Variants in NEGR1 observed in about 807,000 individuals in gnomAD.
NEGR1 encodes the protein neuronal growth regulator 1.
NEGR1 carries 10 observed loss-of-function variants against 40.9 expected under a neutral mutation model. The observed-to-expected ratio is 0.24, with a 90% CI of 0.15 to 0.42. NEGR1 has a LOEUF of 0.42. Among genes scored for constraint, NEGR1 ranks in the 10% least tolerant of loss-of-function variants. NEGR1 has a pLI of 1.00. For synonymous variants in NEGR1, 185 were observed against 166.8 expected (o/e 1.11, Z -0.84); for missense variants, 352 against 438.9 (o/e 0.80, Z 1.77).
At chr1:71,874,752 T>C (rs897336673) in intron 2 of NEGR1, among the ~76,000 whole-genome samples, 1 of 152,192 alleles carries the variant, frequency 6.6e-6, no homozygotes, top group Admixed American at 6.5e-5. Flanking sequence ...TAAGACTTGA[T>C]TTTCACTTAG....
chr1:71,982,688 T>C (rs1646364075), intron 1 of NEGR1, among the ~76,000 whole-genome samples: 1 of 152,100 alleles, frequency 6.6e-6, no homozygotes, highest in Non-Finnish European at 1.5e-5. Context: ...AAAACTCCAA[T>C]TGGATTCAGA....
chr1:71,943,471 A>G (rs1024001021), intron 1 of NEGR1, among the ~76,000 whole-genome samples: 4 of 151,964 alleles, frequency 2.6e-5, no homozygotes, highest in Non-Finnish European at 4.4e-5. Context: ...TTTTTCTGCA[A>G]TACCACAAAT....
At chr1:71,437,980 G>T (rs1215304300) in intron 6 of NEGR1, among the ~76,000 whole-genome samples, 1 of 152,180 alleles carries the variant, frequency 6.6e-6, no homozygotes, top group Non-Finnish European at 1.5e-5. Flanking sequence ...CTTCTAGAGA[G>T]ATTTTCTCAC....
intron 6 of NEGR1, among the ~76,000 whole-genome samples, chr1:71,520,538 T>G (rs1647148935): frequency 6.6e-6 from 1 of 152,136 alleles, no homozygotes; most frequent in Admixed American, 6.6e-5. Flanking sequence ...ATATACATTC[T>G]TTAATTACAA....
intron 1 of NEGR1, among the ~76,000 whole-genome samples, chr1:72,101,606 A>C (rs1372660489): frequency 6.6e-6 from 1 of 152,090 alleles, no homozygotes. Flanking sequence ...ATTTTCAGAA[A>C]CTCAGAAGAC....
chr1:71,945,097 A>G (rs1646005633), intron 1 of NEGR1, among the ~76,000 whole-genome samples: 1 of 152,134 alleles, frequency 6.6e-6, no homozygotes. Flanking sequence ...TTTTATTATA[A>G]CTTTTCCTTA....
intron 4 of NEGR1, among the ~76,000 whole-genome samples, chr1:71,615,861 T>G (rs554084116): frequency 1.3e-5 from 2 of 152,202 alleles, no homozygotes; most frequent in Admixed American, 1.3e-4. Flanking sequence ...GAGGCTGTTG[T>G]AGTAATCCTT....
chr1:71,773,655 A>T (rs1656404896), intron 3 of NEGR1, among the ~76,000 whole-genome samples: 1 of 152,144 alleles, frequency 6.6e-6, no homozygotes, highest in African/African-American at 2.4e-5. Context: ...TATAATTTGA[A>T]ATTATTGTAA....
intron 2 of NEGR1, among the ~76,000 whole-genome samples, chr1:71,883,076 G>T (rs531739556): frequency 1.7e-3 from 255 of 151,958 alleles, no homozygotes; most frequent in African/African-American, 5.6e-3. Context: ...TTGCTGTTTG[G>T]CCATAAAGTA....
chr1:71,950,393 G>T (rs1267535531), intron 1 of NEGR1, among the ~76,000 whole-genome samples: 1 of 151,984 alleles, frequency 6.6e-6, no homozygotes, highest in African/African-American at 2.4e-5. Context: ...AAAGAAAAAA[G>T]AATGCAAATT....
rs1648048400 is a variant in NEGR1, at chr1:72,082,600, AC to A, written c.177-147290del. Among the ~76,000 whole-genome samples, 6 of 151,976 alleles carry A rather than the reference AC, an allele frequency of 3.9e-5. No homozygotes were observed. In the South Asian group the frequency reaches 1.2e-3, roughly 31 times the overall value. ...CCTGATATTTTGTTTCTTCAGCAAA[AC>A]TTTTCCCTGGATTATTCACTGATAA... On this transcript the variant is annotated intron_variant, in intron 1 of 6. Transcript: ENST00000357731.
chr1:72,108,344 T>G (rs1256982552), intron 1 of NEGR1, among the ~76,000 whole-genome samples: 1 of 151,654 alleles, frequency 6.6e-6, no homozygotes, highest in Non-Finnish European at 1.5e-5. Context: ...AGACATTTCC[T>G]ATAGTTGTAA....
At chr1:71,576,621 A>G (rs1249409723) in intron 6 of NEGR1, among the ~76,000 whole-genome samples, 1 of 152,228 alleles carries the variant, frequency 6.6e-6, no homozygotes, top group African/African-American at 2.4e-5. Flanking sequence ...CATATCTATC[A>G]TATCCTTTTC....
At chr1:72,191,836 G>C (rs1652830730) in intron 1 of NEGR1, among the ~76,000 whole-genome samples, 1 of 151,766 alleles carries the variant, frequency 6.6e-6, no homozygotes. Context: ...GAGGGAAACA[G>C]GGTGGATTGA....
intron 4 of NEGR1, among the ~76,000 whole-genome samples, chr1:71,651,034 T>C (rs1651695827): frequency 6.6e-6 from 1 of 152,168 alleles, no homozygotes; most frequent in African/African-American, 2.4e-5. Flanking sequence ...TATAGCTTTA[T>C]CTCTTTTCTT....
At chr1:72,237,512 C>T (rs913910433) in intron 1 of NEGR1, among the ~76,000 whole-genome samples, 58 of 151,972 alleles carry the variant, frequency 3.8e-4, no homozygotes, top group African/African-American at 1.2e-3. Context: ...CTTCTACTAC[C>T]GTCACCTTCA....
intron 1 of NEGR1, among the ~76,000 whole-genome samples, chr1:72,099,447 C>CA (rs1313652315): frequency 2.0e-5 from 3 of 151,888 alleles, no homozygotes; most frequent in African/African-American, 7.2e-5. Flanking sequence ...ATGGAAAATG[C>CA]AAAAATACAC....
At chr1:71,460,828 A>T (rs1468564869) in intron 6 of NEGR1, among the ~76,000 whole-genome samples, 1 of 152,194 alleles carries the variant, frequency 6.6e-6, no homozygotes, top group Non-Finnish European at 1.5e-5. Flanking sequence ...GAAACAAATT[A>T]ATGCTTTTGC....
At chr1:71,542,798 C>A (rs376855838) in intron 6 of NEGR1, among the ~76,000 whole-genome samples, 87 of 151,806 alleles carry the variant, frequency 5.7e-4, no homozygotes, top group African/African-American at 2.0e-3. Flanking sequence ...CCTCATAACT[C>A]CATGATGCAA....
Sources: allele counts gnomAD v4.1 joint callset (sites outside exome capture counted in the v4.1 genomes callset), GRCh38; gene constraint gnomAD v4.1.1; transcripts MANE v1.5; gene names NCBI Gene and HGNC (gene_info 2026-07-23, HGNC 2026-07-21).